Variants in SART1 observed in about 807,000 individuals in gnomAD.
SART1 encodes spliceosome associated factor 1, recruiter of U4/U6.U5 tri-snRNP, also known as U4/U6.U5 tri-snRNP-associated protein 1.
A neutral mutation model predicts 105.0 loss-of-function variants in SART1; 28 were observed. That is an observed-to-expected ratio of 0.27 (90% CI 0.20 to 0.37). The LOEUF (loss-of-function observed/expected upper bound fraction) is 0.37, where lower values mean the gene tolerates loss of function less well. Among genes scored for constraint, SART1 ranks in the 10% least tolerant of loss-of-function variants. SART1 has a pLI of 1.00. For synonymous variants in SART1, 472 were observed against 462.9 expected, an observed-to-expected ratio of 1.02 and a Z score of -0.25; for missense variants, 894 against 1,106.5, an observed-to-expected ratio of 0.81 and a Z score of 2.72.
Position 65,966,571 on chromosome 11 carries a change from G to C in SART1, c.1188+15G>C, listed in dbSNP as rs778609687. ...CTGAGGAGATGGTGAGCCCTCCCGT[G>C]CCTTATACTCGGGGTCAAGATTCTC... On this transcript the variant is annotated intron_variant, in intron 9 of 19. Transcript: ENST00000312397. The C allele has an allele frequency of 2.7e-6, 4 of 1,490,204 alleles. No individual in the cohort carries two copies. The South Asian group carries it at 4.1e-5, about 15-fold the overall frequency. 92.3% of individuals were successfully genotyped at this position (1,490,204 alleles called of 1,614,324 possible).
chr11:65,973,415 C>A (rs1177367953), intron 12 of SART1, among the ~76,000 whole-genome samples: 3 of 152,108 alleles, frequency 2.0e-5, no homozygotes, highest in African/African-American at 7.2e-5. Context: ...CAGGAAAATA[C>A]CCGGTGAATC....
chr11:65,966,449 C>G lies in SART1; in HGVS notation c.1081C>G (p.Arg361Gly), dbSNP rs924944190. 1 of 1,613,098 alleles carries G rather than the reference C, an allele frequency of 6.2e-7. No homozygotes were observed. The highest frequency in any genetic ancestry group is 2.2e-5 in the East Asian group (1 of 44,868). The change falls in exon 9 of 20, where the codon CGG (arginine) becomes GGG (glycine). Residue 361 changes from arginine to glycine, a missense_variant. Arg to Gly is a moderately radical substitution (Grantham distance 125). This residue lies in a region of SART1 where 712 missense variants were observed against 778.2 expected (regional missense o/e 0.91). Transcript: ENST00000312397. ...LEQGGTADGL[R>G]ERELEEIRAK... ...GCAGGGCGGCACGGCTGATGGCCTG[C>G]GGGAGCGGGAGCTGGAGGAGATCCG...
At chr11:65,968,365 C>T (rs1258708373) in intron 12 of SART1, among the ~76,000 whole-genome samples, 1 of 152,148 alleles carries the variant, frequency 6.6e-6, no homozygotes, top group Non-Finnish European at 1.5e-5. Flanking sequence ...GTGAGTAGTG[C>T]ATTGTTCTTG....
At position 65,978,101 on chromosome 11, in the gene SART1, G is replaced by A; in HGVS notation, c.2172+202G>A. 1.6e-6 allele frequency: 1 copy of A among 610,178 alleles called. No homozygotes were observed. Among genetic ancestry groups the A allele is most frequent in the Non-Finnish European group, 2.9e-6 (1 of 348,616 alleles). 37.8% of individuals were successfully genotyped at this position (610,178 alleles called of 1,614,324 possible). A position where few individuals can be genotyped will look rare whatever the true frequency, so the allele number is the denominator to read the frequency against. On this transcript the variant is annotated intron_variant, in intron 17 of 19. Transcript: ENST00000312397. The surrounding 1 kb of genome is among the most constrained non-coding windows in gnomAD (Gnocchi z 6.8). ...CCTCAGTTTGTCTCTAGTGGGCACA[G>A]CAGTCTCTTTGCAAGCCTGGCAGGA...
Position 65,976,620 on chromosome 11 carries a change from T to C in SART1, c.1747-36T>C. 6.2e-7 allele frequency: 1 copy of C among 1,613,366 alleles called. No homozygotes were observed. Among genetic ancestry groups the C allele is most frequent in the Non-Finnish European group, 8.5e-7 (1 of 1,179,784 alleles). The stretch of plus-strand genomic sequence containing the variant: ...GCTTCCCTCGGCTGGGTGGGCTGGC[T>C]GGGGCCTGGGCCGACCCTGGTCTTT... On this transcript the variant is annotated intron_variant, in intron 13 of 19. Transcript: ENST00000312397. The surrounding 1 kb of genome is among the most constrained non-coding windows in gnomAD (Gnocchi z 5.1).
At position 65,967,241 on chromosome 11, in the gene SART1, C is replaced by T. The variant is rs535833998; in HGVS notation, c.1189-18C>T. 5.6e-6 allele frequency: 9 copies of T among 1,611,724 alleles called. No individual in the cohort carries two copies. The highest frequency in any genetic ancestry group is 3.3e-5 in the Admixed American group (2 of 59,706). ...TTTCTGTGGCCCCCGCTCCATGTCT[C>T]GCCCCTCTTCCCTTAAGGTGACCTT... On this transcript the variant is annotated intron_variant, in intron 9 of 19. Transcript: ENST00000312397.
chr11:65,971,848 A>G (rs1855385552), intron 12 of SART1, among the ~76,000 whole-genome samples: 1 of 152,100 alleles, frequency 6.6e-6, no homozygotes. Context: ...GTGGTTGAAG[A>G]ATTACTGGAT....
chr11:65,970,133 C>T (rs1027211010), intron 12 of SART1, among the ~76,000 whole-genome samples: 2 of 152,132 alleles, frequency 1.3e-5, no homozygotes, highest in Admixed American at 6.6e-5. Context: ...TAATTATAAA[C>T]ATTGTTACAG....
At position 65,965,325 on chromosome 11, in the gene SART1, CT is replaced by C. The variant is rs1323241281; in HGVS notation, c.555-12del. ...CAGGAGCTGGGCTCCTTGAGCATCACTTTTTCCCCTCTTCAGGAAGATAAAG... is the reference window on the plus strand; with the variant it reads ...CAGGAGCTGGGCTCCTTGAGCATCACTTTTCCCCTCTTCAGGAAGATAAAG... On this transcript the variant is annotated splice_polypyrimidine_tract_variant and intron_variant, in intron 4 of 19. Transcript: ENST00000312397. 3 of 1,594,820 alleles carry C rather than the reference CT, an allele frequency of 1.9e-6. No individual in the cohort carries two copies. The East Asian group carries it at 6.8e-5, about 36-fold the overall frequency.
Position 65,978,688 on chromosome 11 carries a change from C to T in SART1, c.2261C>T (p.Ala754Val), listed in dbSNP as rs781780853. Residue 754 changes from alanine (A) to valine (V), a missense_variant and splice_region_variant, in exon 18 of 20, where the codon GCG becomes GTG. This residue lies in a region of SART1 where 182 missense variants were observed against 328.3 expected (regional missense o/e 0.55). Transcript: ENST00000312397. The surrounding 1 kb of genome is among the most constrained non-coding windows in gnomAD (Gnocchi z 6.8). ...CGGATGAAGAAGCTGGACGAGGAGG[C>T]GGTGGGTGCCCTTGGGGATGTGGGG... is the stretch of plus-strand genomic sequence containing the variant. ...ERRMKKLDEE[A>V]LLKKMSSSDT... 6.8e-6 allele frequency: 11 copies of T among 1,610,528 alleles called. No homozygotes were observed. Among genetic ancestry groups the T allele is most frequent in the East Asian group, 4.5e-5 (2 of 44,732 alleles).
chr11:65,966,700 C>T (rs767682662), intron 9 of SART1, 144 bp downstream of exon 9: 26 of 932,464 alleles, frequency 2.8e-5, no homozygotes, highest in South Asian at 5.6e-5. Context: ...AAATGGCAAC[C>T]GGGGGAGGCA....
intron 12 of SART1, 66 bp downstream of exon 12, chr11:65,967,887 T>C (rs1482439230): frequency 7.6e-7 from 1 of 1,311,832 alleles, no homozygotes; most frequent in East Asian, 2.7e-5. Flanking sequence ...ACCTGTGTCA[T>C]AGGCGACAGC....
At chr11:65,964,397 G>T in intron 2 of SART1, 118 bp from the exon 3 acceptor site, 1 of 1,244,024 alleles carries the variant, frequency 8.0e-7, no homozygotes, top group Non-Finnish European at 1.2e-6. Context: ...GCTGCCTGGG[G>T]CAGACTTTGT....
In SART1 at chr11:65,978,952, G is replaced by A. The variant is rs768592762; in HGVS notation, c.2384+38G>A. The stretch of plus-strand genomic sequence containing the variant: ...AGGCTGGTGGGGTAGGGTGTGGTGG[G>A]GAGGGGTGGCGTGGCCTGTGCCCGC... On this transcript the variant is annotated intron_variant, in intron 19 of 19. Transcript: ENST00000312397. This position sits in a 1 kb window ranked among gnomAD's most constrained non-coding sequence, Gnocchi z 6.8. The A allele has an allele frequency of 3.2e-5, 51 of 1,613,580 alleles. No homozygotes were observed. The highest frequency in any genetic ancestry group is 5.0e-5 in the Admixed American group (3 of 59,992).
rs369344365 is a variant in SART1 at position 65,967,738 on chromosome 11, C to T, written c.1489C>T (p.Leu497=). The T allele has an allele frequency of 7.0e-4, 1,081 of 1,554,304 alleles. No homozygotes were observed. The highest frequency in any genetic ancestry group is 8.9e-4 in the Non-Finnish European group (1,022 of 1,149,174). ...GGTGCTGGAGGAGGACGAGGCGGAG[C>T]TGGAGCTGCAGAAGCAGCTGGAGAA... The part of the protein sequence containing the change: ...PQVLEEDEAE[L]ELQKQLEKGR... The change falls in exon 12 of 20, where the codon CTG becomes TTG. Residue 497 remains leucine, a synonymous_variant. Coordinates refer to ENST00000312397, the MANE Select transcript of SART1 (RefSeq NM_005146.5).
At chr11:65,977,450 T>C (rs1590645631) in intron 15 of SART1, 113 bp from the exon 16 acceptor site, 2 of 880,440 alleles carry the variant, frequency 2.3e-6, no homozygotes, top group Non-Finnish European at 3.7e-6. Flanking sequence ...CCTGATGGCT[T>C]TCCAGAGGCA....
chr11:65,973,332 A>G (rs1006928077), intron 12 of SART1, among the ~76,000 whole-genome samples: 2 of 152,174 alleles, frequency 1.3e-5, no homozygotes, highest in African/African-American at 4.8e-5. Context: ...GACAAAACAA[A>G]TCAACACAAC....
chr11:65,965,826 A>C (rs370390416), intron 6 of SART1, 47 bp downstream of exon 6: 33 of 1,613,202 alleles, frequency 2.0e-5, no homozygotes, highest in Non-Finnish European at 2.7e-5. Context: ...TGGCCTTGCT[A>C]CCGGAATCCC....
intron 1 of SART1, among the ~76,000 whole-genome samples, chr11:65,962,431 ACAAT>A (rs1280695551): frequency 6.6e-6 from 1 of 152,242 alleles, no homozygotes; most frequent in Non-Finnish European, 1.5e-5. Context: ...GTTGTCTGGT[ACAAT>A]CAGATTCTCA....
Sources: allele counts gnomAD v4.1 joint callset (sites outside exome capture counted in the v4.1 genomes callset), GRCh38; gene constraint gnomAD v4.1.1; regional missense constraint gnomAD v4.1.1; non-coding constraint Gnocchi (gnomAD v3.1); transcripts MANE v1.5; gene names NCBI Gene and HGNC (gene_info 2026-07-23, HGNC 2026-07-21).